The following GABRG3 variants were observed in gnomAD, a reference collection of about 807,000 sequenced individuals.
GABRG3 encodes gamma-aminobutyric acid type A receptor subunit gamma3, also known as gamma-aminobutyric acid receptor subunit gamma-3.
GABRG3 carries 25 observed loss-of-function variants against 48.8 expected under a neutral mutation model. The ratio of observed to expected loss-of-function variants is 0.51; its 90% CI spans 0.37 to 0.72. The LOEUF (loss-of-function observed/expected upper bound fraction) is 0.72, where lower values mean the gene tolerates loss of function less well. Among genes scored for constraint, GABRG3 ranks in the 30% least tolerant of loss-of-function variants. The probability of loss-of-function intolerance (pLI) is 0.00; values close to 1 mark genes in which losing one functional copy is unlikely to be tolerated. For missense variants in GABRG3, 394 were observed against 577.9 expected (o/e 0.68, Z 3.26); for synonymous variants, 227 against 217.6 (o/e 1.04, Z -0.38).
intron 3 of GABRG3, among the ~76,000 whole-genome samples, chr15:27,115,447 G>T (rs910670134): frequency 6.6e-6 from 1 of 152,108 alleles, no homozygotes; most frequent in Non-Finnish European, 1.5e-5. Context: ...GATCACGTGG[G>T]CATTTTCCTG....
At chr15:27,527,351 G>A (rs185908450) in intron 7 of GABRG3, 82 bp from the exon 8 acceptor site, 54 of 1,298,368 alleles carry the variant, frequency 4.2e-5, no homozygotes, top group Non-Finnish European at 3.7e-5. Flanking sequence ...AGCCGTGCTG[G>A]GGTGGAGGGA....
intron 3 of GABRG3, among the ~76,000 whole-genome samples, chr15:27,252,833 C>G (rs1020933310): frequency 6.6e-6 from 1 of 152,206 alleles, no homozygotes; most frequent in South Asian, 2.1e-4. Flanking sequence ...AATAATTGCA[C>G]AGCACACTGT....
intron 3 of GABRG3, among the ~76,000 whole-genome samples, chr15:27,050,437 C>T (rs1191274441): frequency 3.3e-5 from 5 of 152,196 alleles, no homozygotes; most frequent in Admixed American, 3.3e-4. Context: ...CTCCCTTCAC[C>T]TGGGAGGTGG....
chr15:27,372,276 C>T (rs553538773), intron 5 of GABRG3, among the ~76,000 whole-genome samples: 7 of 152,144 alleles, frequency 4.6e-5, no homozygotes, highest in Non-Finnish European at 8.8e-5. Context: ...ATGTGTTTTG[C>T]GTCTGTTTTA....
rs914972765 is a variant in GABRG3 at position 27,534,559 on chromosome 15, A to G, written c.*1678A>G. The G allele has an allele frequency of 6.6e-6, 1 of 152,206 alleles. No homozygotes were observed. The highest frequency in any genetic ancestry group is 1.5e-5 in the Non-Finnish European group (1 of 68,038). The allele number at this position is 152,206 out of a possible 1,614,324, so 9.4% of individuals were successfully genotyped here. On this transcript the variant is annotated 3_prime_UTR_variant, in exon 10 of 10. Transcript: ENST00000615808. ...TCTTTCTCACATAGAAAACTGAATT[A>G]ATTTGACCTAGAAACCGTAATTTTT...
At chr15:27,035,623 C>T (rs1896163548) in intron 3 of GABRG3, among the ~76,000 whole-genome samples, 1 of 152,194 alleles carries the variant, frequency 6.6e-6, no homozygotes, top group Non-Finnish European at 1.5e-5. Flanking sequence ...TCCCGCTTTA[C>T]CTTGACAGGT....
At chr15:27,287,238 T>C (rs953532383) in intron 3 of GABRG3, among the ~76,000 whole-genome samples, 1 of 152,132 alleles carries the variant, frequency 6.6e-6, no homozygotes, top group East Asian at 1.9e-4. Context: ...TCAGAAAATA[T>C]TAAAAAGTCC....
chr15:27,213,101 G>T (rs781039617), intron 3 of GABRG3, among the ~76,000 whole-genome samples: 1 of 152,114 alleles, frequency 6.6e-6, no homozygotes, highest in Non-Finnish European at 1.5e-5. Context: ...TGGGCCAAAT[G>T]TCTGAAGGTA....
intron 3 of GABRG3, among the ~76,000 whole-genome samples, chr15:27,212,432 G>T (rs527331424): frequency 6.6e-6 from 1 of 152,302 alleles, no homozygotes; most frequent in East Asian, 1.9e-4. Context: ...AGTATTTGGG[G>T]AAATAATTTT....
chr15:27,386,303 G>T (rs1407117457), intron 5 of GABRG3, among the ~76,000 whole-genome samples: 1 of 152,052 alleles, frequency 6.6e-6, no homozygotes, highest in Non-Finnish European at 1.5e-5. Flanking sequence ...AAGAAGTATG[G>T]CCTGTGTTCA....
At chr15:27,462,639 T>C (rs1889484443) in intron 5 of GABRG3, among the ~76,000 whole-genome samples, 1 of 152,220 alleles carries the variant, frequency 6.6e-6, no homozygotes, top group African/African-American at 2.4e-5. Context: ...CAGTGTTAAC[T>C]TCTCCTATCA....
intron 5 of GABRG3, among the ~76,000 whole-genome samples, chr15:27,337,809 T>G (rs983405764): frequency 6.6e-6 from 1 of 152,198 alleles, no homozygotes; most frequent in African/African-American, 2.4e-5. Flanking sequence ...TATGCAAATA[T>G]GCATGTATTT....
chr15:27,504,831 G>T (rs1421485174), intron 6 of GABRG3, among the ~76,000 whole-genome samples: 3 of 151,956 alleles, frequency 2.0e-5, no homozygotes. Context: ...ACATATATTT[G>T]CTGAGTATAA....
chr15:27,086,634 A>T (rs1566931226), intron 3 of GABRG3, among the ~76,000 whole-genome samples: 1 of 152,268 alleles, frequency 6.6e-6, no homozygotes, highest in Non-Finnish European at 1.5e-5. Context: ...ACATACATTT[A>T]GGTTAGTTCC....
At chr15:27,362,486 T>C (rs1160765250) in intron 5 of GABRG3, 1 of 152,216 alleles carries the variant, frequency 6.6e-6, no homozygotes, top group Non-Finnish European at 1.5e-5. Flanking sequence ...ATCAAAATGC[T>C]GTGACCTTAT....
intron 3 of GABRG3, among the ~76,000 whole-genome samples, chr15:27,210,719 G>A (rs536853187): frequency 6.6e-6 from 1 of 152,318 alleles, no homozygotes; most frequent in African/African-American, 2.4e-5. Context: ...GGTGGGAGGT[G>A]TGGTGTTCCC....
chr15:27,210,610 A>G (rs546780761), intron 3 of GABRG3, among the ~76,000 whole-genome samples: 3 of 152,332 alleles, frequency 2.0e-5, no homozygotes, highest in East Asian at 3.9e-4. Flanking sequence ...GGAGACTAGT[A>G]TGTATTCTCA....
intron 2 of GABRG3, among the ~76,000 whole-genome samples, chr15:26,986,653 A>T (rs1566900951): frequency 6.6e-6 from 1 of 152,142 alleles, no homozygotes; most frequent in Admixed American, 6.5e-5. Context: ...GGAATATATA[A>T]TGTGGTTTCA....
At chr15:27,513,748 A>G (rs532850225) in intron 6 of GABRG3, among the ~76,000 whole-genome samples, 26 of 152,340 alleles carry the variant, frequency 1.7e-4, no homozygotes, top group African/African-American at 6.0e-4. Flanking sequence ...GGTCCCAGGA[A>G]AACAGGACAC....
Sources: gnomAD v4.1 joint callset for allele counts (sites outside exome capture counted in the v4.1 genomes callset) on GRCh38, gnomAD v4.1.1 for gene constraint, MANE v1.5 for transcripts, NCBI Gene and HGNC (gene_info 2026-07-23, HGNC 2026-07-21) for gene names.